Variants in NYAP2 observed in about 807,000 individuals in gnomAD.
The protein encoded by NYAP2 is neuronal tyrosine-phosphorylated phosphoinositide-3-kinase adapter 2.
Under a neutral mutation model 50.4 loss-of-function variants are expected in NYAP2, and 23 were observed. The observed-to-expected ratio is 0.46, with a 90% CI of 0.33 to 0.65. The LOEUF is 0.65. NYAP2 is among the 30% of genes least tolerant of loss of function. NYAP2 has a pLI of 0.02. For synonymous variants in NYAP2, 394 were observed against 365.2 expected, an observed-to-expected ratio of 1.08 and a Z score of -0.90; for missense variants, 885 against 861.0, an observed-to-expected ratio of 1.03 and a Z score of -0.35.
chr2:225,556,725 C>T (rs2106213159), intron 4 of NYAP2, among the ~76,000 whole-genome samples: 1 of 152,288 alleles, frequency 6.6e-6, no homozygotes. Context: ...CAGCTCTACA[C>T]TATGGTAGGG....
rs760869358 is a variant in NYAP2 at position 225,569,785 on chromosome 2, G to A, written c.524-12156G>A. ...TGAGATCTCTCTGATTCCAGAGCACGTTCTCCCTATGTGTTCTCATGTCTT... is the reference window on the plus strand; with the variant it reads ...TGAGATCTCTCTGATTCCAGAGCACATTCTCCCTATGTGTTCTCATGTCTT... On this transcript the variant is annotated intron_variant, in intron 4 of 6. Coordinates refer to ENST00000636099, the Ensembl canonical transcript of NYAP2. Among the ~76,000 whole-genome samples the A allele has an allele frequency of 9.9e-5, 15 of 152,238 alleles. 1 individual carries two copies. The highest frequency in any genetic ancestry group is 2.2e-4 in the African/African-American group (9 of 41,532).
chr2:225,475,430 C>G (rs1388773089), intron 3 of NYAP2, among the ~76,000 whole-genome samples: 1 of 152,008 alleles, frequency 6.6e-6, no homozygotes, highest in Non-Finnish European at 1.5e-5. Flanking sequence ...TTATTAAAGC[C>G]ATAAACTAAG....
intron 4 of NYAP2, among the ~76,000 whole-genome samples, chr2:225,571,992 C>A (rs1355689675): frequency 6.6e-6 from 1 of 152,182 alleles, no homozygotes; most frequent in African/African-American, 2.4e-5. Flanking sequence ...AGGGCAGGGG[C>A]AAAATGCCAT....
At chr2:225,603,681 C>G (rs1054317447) in intron 5 of NYAP2, among the ~76,000 whole-genome samples, 9 of 152,202 alleles carry the variant, frequency 5.9e-5, no homozygotes, top group African/African-American at 1.9e-4. Flanking sequence ...GGGTTCTGAA[C>G]CTCACAAAGA....
At chr2:225,474,114 A>G (rs1227135081) in intron 3 of NYAP2, among the ~76,000 whole-genome samples, 2 of 152,104 alleles carry the variant, frequency 1.3e-5, no homozygotes, top group Non-Finnish European at 2.9e-5. Flanking sequence ...AAGATCAGAT[A>G]GTTGTAGATG....
At chr2:225,512,589 C>A (rs1026648329) in intron 3 of NYAP2, among the ~76,000 whole-genome samples, 1 of 146,426 alleles carries the variant, frequency 6.8e-6, no homozygotes. Flanking sequence ...TTCCTGCCTT[C>A]CCCTTTCCTT....
At chr2:225,503,786 G>C (rs563468099) in intron 3 of NYAP2, among the ~76,000 whole-genome samples, 8 of 152,186 alleles carry the variant, frequency 5.3e-5, no homozygotes, top group Admixed American at 2.0e-4. Context: ...CATGGTGTTT[G>C]ATAGAGATGA....
chr2:225,410,279 G>A (rs1464463152), intron 3 of NYAP2, among the ~76,000 whole-genome samples: 1 of 152,016 alleles, frequency 6.6e-6, no homozygotes, highest in Non-Finnish European at 1.5e-5. Context: ...TATAGAAATT[G>A]CATAATTGAT....
chr2:225,510,504 G>T (rs1690791875), intron 3 of NYAP2, among the ~76,000 whole-genome samples: 1 of 152,128 alleles, frequency 6.6e-6, no homozygotes, highest in Non-Finnish European at 1.5e-5. Context: ...AACTCCACAT[G>T]TTCCTAGCAA....
At chr2:225,449,808 G>A (rs557696798) in intron 3 of NYAP2, among the ~76,000 whole-genome samples, 64 of 151,298 alleles carry the variant, frequency 4.2e-4, no homozygotes, top group African/African-American at 1.4e-3. Context: ...GTAGAGATGG[G>A]GTTTCACCAT....
intron 3 of NYAP2, among the ~76,000 whole-genome samples, chr2:225,471,703 C>G (rs984456192): frequency 6.6e-6 from 1 of 152,174 alleles, no homozygotes; most frequent in Non-Finnish European, 1.5e-5. Context: ...TCCACGCATT[C>G]CCTGTGAAAT....
the NYAP2 span, among the ~76,000 whole-genome samples, chr2:225,670,212 A>G: frequency 6.6e-6 from 1 of 152,136 alleles, no homozygotes. Context: ...TAAAAAGGAT[A>G]ACAGCCATCT....
chr2:225,676,436 T>C, the NYAP2 span, among the ~76,000 whole-genome samples: 2 of 152,188 alleles, frequency 1.3e-5, no homozygotes, highest in South Asian at 4.1e-4. Context: ...TTTTTGTTAA[T>C]TTTATTGAAG....
intron 3 of NYAP2, among the ~76,000 whole-genome samples, chr2:225,501,744 G>T (rs776158385): frequency 6.6e-6 from 1 of 152,118 alleles, no homozygotes; most frequent in Non-Finnish European, 1.5e-5. Flanking sequence ...AAAAAGAAAA[G>T]TTTCTGAAAC....
intron 6 of NYAP2, among the ~76,000 whole-genome samples, chr2:225,641,092 C>T (rs949127642): frequency 6.6e-6 from 1 of 152,062 alleles, no homozygotes; most frequent in African/African-American, 2.4e-5. Context: ...TTGACTGTAG[C>T]ATCAGTGACA....
the NYAP2 span, among the ~76,000 whole-genome samples, chr2:225,671,721 T>C: frequency 6.6e-6 from 1 of 152,166 alleles, no homozygotes; most frequent in Non-Finnish European, 1.5e-5. Flanking sequence ...GTGGCAGCTA[T>C]AGCCTTATGA....
At chr2:225,567,179 A>T (rs1245325985) in intron 4 of NYAP2, among the ~76,000 whole-genome samples, 1 of 152,178 alleles carries the variant, frequency 6.6e-6, no homozygotes, top group Non-Finnish European at 1.5e-5. Flanking sequence ...AAGTATCTGC[A>T]TATCTAAACA....
At chr2:225,633,501 A>G (rs749939978) in intron 6 of NYAP2, among the ~76,000 whole-genome samples, 3 of 152,212 alleles carry the variant, frequency 2.0e-5, no homozygotes, top group Non-Finnish European at 1.5e-5. Flanking sequence ...AAACACTTAC[A>G]AATGTACTTT....
chr2:225,415,030 A>C (rs1559173852), intron 3 of NYAP2, among the ~76,000 whole-genome samples: 1 of 152,124 alleles, frequency 6.6e-6, no homozygotes, highest in East Asian at 1.9e-4. Flanking sequence ...AACATTGTGA[A>C]TCTGGAAGAC....
Sources: allele counts gnomAD v4.1 joint callset (sites outside exome capture counted in the v4.1 genomes callset), GRCh38; gene constraint gnomAD v4.1.1; transcripts MANE v1.5; gene names NCBI Gene and HGNC (gene_info 2026-07-23, HGNC 2026-07-21).